Variants in KCTD16 observed in about 807,000 individuals in gnomAD.
KCTD16 encodes the protein potassium channel tetramerization domain containing 16.
Under a neutral mutation model 33.2 loss-of-function variants are expected in KCTD16, and 13 were observed. The observed-to-expected ratio is 0.39, with a 90% CI of 0.25 to 0.62. KCTD16 has a LOEUF of 0.62. Among genes scored for constraint, KCTD16 ranks in the 20% least tolerant of loss-of-function variants. The pLI is 0.50. For synonymous variants in KCTD16, 197 were observed against 195.3 expected (o/e 1.01, Z -0.07); for missense variants, 441 against 525.1 (o/e 0.84, Z 1.57).
At chr5:144,325,476 C>T (rs1254586974) in intron 3 of KCTD16, among the ~76,000 whole-genome samples, 1 of 152,160 alleles carries the variant, frequency 6.6e-6, no homozygotes, top group Non-Finnish European at 1.5e-5. Context: ...ACCCTCTCCT[C>T]CTTCCTCACT....
chr5:144,311,919 T>G (rs1315116383), intron 3 of KCTD16, among the ~76,000 whole-genome samples: 5 of 152,140 alleles, frequency 3.3e-5, no homozygotes, highest in Non-Finnish European at 4.4e-5. Flanking sequence ...TCTGGAGAAA[T>G]AACTTTCAAA....
At chr5:144,198,774 C>T (rs1297135309) in intron 2 of KCTD16, among the ~76,000 whole-genome samples, 1 of 152,166 alleles carries the variant, frequency 6.6e-6, no homozygotes, top group Non-Finnish European at 1.5e-5. Flanking sequence ...AATTATCAAT[C>T]TCCAAGGGCA....
At chr5:144,421,890 A>G (rs931700625) in intron 3 of KCTD16, among the ~76,000 whole-genome samples, 3 of 152,148 alleles carry the variant, frequency 2.0e-5, no homozygotes, top group Admixed American at 6.6e-5. Flanking sequence ...CAGAAATCAT[A>G]TAGAATTTGG....
At chr5:144,342,622 C>G (rs376833250) in intron 3 of KCTD16, among the ~76,000 whole-genome samples, 1 of 152,066 alleles carries the variant, frequency 6.6e-6, no homozygotes, top group African/African-American at 2.4e-5. Flanking sequence ...TATGTTGAAT[C>G]GGAGTGGTGA....
At chr5:144,467,557 C>A (rs1754375477) in intron 3 of KCTD16, among the ~76,000 whole-genome samples, 1 of 152,124 alleles carries the variant, frequency 6.6e-6, no homozygotes, top group South Asian at 2.1e-4. Context: ...CGTGTTTACA[C>A]ATTATGGTGC....
At chr5:144,223,320 A>G (rs1338226572) in intron 3 of KCTD16, among the ~76,000 whole-genome samples, 1 of 152,098 alleles carries the variant, frequency 6.6e-6, no homozygotes, top group Admixed American at 6.5e-5. Context: ...AAAAAAGTAG[A>G]TAGTAGAAAG....
intron 3 of KCTD16, among the ~76,000 whole-genome samples, chr5:144,292,290 A>G (rs1755915366): frequency 6.6e-6 from 1 of 152,092 alleles, no homozygotes; most frequent in South Asian, 2.1e-4. Flanking sequence ...TGAATGGAGG[A>G]CTGAGTAACC....
intron 3 of KCTD16, among the ~76,000 whole-genome samples, chr5:144,288,833 G>A (rs1755818689): frequency 6.6e-6 from 1 of 152,066 alleles, no homozygotes; most frequent in African/African-American, 2.4e-5. Context: ...TAGCTGTGGT[G>A]CATGCCTGTA....
intron 2 of KCTD16, among the ~76,000 whole-genome samples, chr5:144,184,283 C>G (rs1201996290): frequency 6.6e-6 from 1 of 152,162 alleles, no homozygotes; most frequent in Non-Finnish European, 1.5e-5. Flanking sequence ...CATTCTACTT[C>G]TATTTCTATG....
chr5:144,267,383 C>T (rs1418458078), intron 3 of KCTD16, among the ~76,000 whole-genome samples: 1 of 152,096 alleles, frequency 6.6e-6, no homozygotes, highest in Non-Finnish European at 1.5e-5. Flanking sequence ...ATGGAAGGCA[C>T]ATAGGGAAAG....
intron 3 of KCTD16, among the ~76,000 whole-genome samples, chr5:144,323,434 A>G (rs2126886008): frequency 6.6e-6 from 1 of 152,328 alleles, no homozygotes; most frequent in African/African-American, 2.4e-5. Flanking sequence ...GGAGAACATT[A>G]GATCATGATA....
chr5:144,374,099 T>A (rs552892106), intron 3 of KCTD16, among the ~76,000 whole-genome samples: 1 of 152,340 alleles, frequency 6.6e-6, no homozygotes, highest in Non-Finnish European at 1.5e-5. Context: ...AAGTCCTTAC[T>A]TTGTTTGCAG....
At chr5:144,194,218 C>A (rs1397676579) in intron 2 of KCTD16, among the ~76,000 whole-genome samples, 1 of 152,140 alleles carries the variant, frequency 6.6e-6, no homozygotes, top group East Asian at 1.9e-4. Flanking sequence ...AAGCACCATG[C>A]TGGGACAAGT....
chr5:144,322,522 C>CAAACA (rs1554087330), intron 3 of KCTD16, among the ~76,000 whole-genome samples: 1 of 151,064 alleles, frequency 6.6e-6, no homozygotes, highest in African/African-American at 2.4e-5. Flanking sequence ...AACAAACAAA[C>CAAACA]AAAAAAAACA....
chr5:144,386,601 G>A (rs1752328836), intron 3 of KCTD16, among the ~76,000 whole-genome samples: 2 of 152,158 alleles, frequency 1.3e-5, no homozygotes, highest in Non-Finnish European at 2.9e-5. Context: ...GAACAAATAT[G>A]TATGTCTGCA....
At position 144,206,858 on chromosome 5, in the gene KCTD16, T is replaced by A; in HGVS notation, c.144T>A (p.His48Gln). The A allele has an allele frequency of 6.2e-7, 1 of 1,614,098 alleles. No homozygotes were observed. The change falls in exon 3 of 4, where the codon CAT (histidine) becomes CAA (glutamine). Residue 48 changes from histidine to glutamine, a missense_variant. Around this residue, in one of 3 missense-constraint regions of KCTD16, gnomAD observed 80 missense variants for 88.5 expected, o/e 0.90. Transcript: ENST00000512467. ...ATTCCACATTGATAAGCATCCCTCA[T>A]TCCCTCCTGTGGAAAATGTTTTCCC... is the stretch of plus-strand genomic sequence containing the variant. The part of the protein sequence containing the change: ...TRHSTLISIP[H>Q]SLLWKMFSPK...
intron 3 of KCTD16, among the ~76,000 whole-genome samples, chr5:144,414,640 G>A (rs996497957): frequency 6.6e-6 from 1 of 152,108 alleles, no homozygotes; most frequent in African/African-American, 2.4e-5. Context: ...AAATGACTTA[G>A]CCAATTTAAA....
chr5:144,385,158 T>C (rs1008390063), intron 3 of KCTD16: 2 of 152,202 alleles, frequency 1.3e-5, no homozygotes, highest in African/African-American at 4.8e-5. Flanking sequence ...TTTTCCTCTA[T>C]TATAGCTGTC....
chr5:144,268,713 A>T (rs913944606), intron 3 of KCTD16, among the ~76,000 whole-genome samples: 1 of 152,314 alleles, frequency 6.6e-6, no homozygotes. Flanking sequence ...GAAAAGCATG[A>T]AACATTCAAA....
Sources: allele counts gnomAD v4.1 joint callset (sites outside exome capture counted in the v4.1 genomes callset), GRCh38; gene constraint gnomAD v4.1.1; regional missense constraint gnomAD v4.1.1; transcripts MANE v1.5; gene names NCBI Gene and HGNC (gene_info 2026-07-23, HGNC 2026-07-21).